The following LRGUK variants were observed in gnomAD, a reference collection of about 807,000 sequenced individuals.
LRGUK encodes leucine-rich repeat and guanylate kinase domain-containing protein.
In LRGUK, 65 loss-of-function variants were observed where a neutral mutation model predicts 76.0. The ratio of observed to expected loss-of-function variants is 0.85; its 90% CI spans 0.70 to 1.05. The LOEUF (loss-of-function observed/expected upper bound fraction) is 1.05. Ranked by LOEUF, LRGUK falls within the 50% of genes least tolerant of loss-of-function variation. The pLI is 0.00. For missense variants in LRGUK, 758 were observed against 732.8 expected, an observed-to-expected ratio of 1.03 and a Z score of -0.40; for synonymous variants, 268 against 265.6, an observed-to-expected ratio of 1.01 and a Z score of -0.09.
At chr7:134,257,521 G>T (rs1334174460) in intron 18 of LRGUK, among the ~76,000 whole-genome samples, 1 of 152,182 alleles carries the variant, frequency 6.6e-6, no homozygotes, top group African/African-American at 2.4e-5. Context: ...AAATGGAAAT[G>T]AGTGTGGGGC....
At chr7:134,258,305 T>C in exon 19 of LRGUK, 2 of 1,614,126 alleles carry the variant, frequency 1.2e-6, no homozygotes, top group Non-Finnish European at 1.7e-6. Context: ...TTCGGTTCTG[T>C]CCGTGGTCAA....
At chr7:134,248,409 AGG>A (rs990452702) in intron 17 of LRGUK, among the ~76,000 whole-genome samples, 35 of 152,360 alleles carry the variant, frequency 2.3e-4, no homozygotes, top group Middle Eastern at 6.8e-3. Flanking sequence ...GAAGAACAGC[AGG>A]GTTTATTCAC....
chr7:134,186,757 A>G (rs1799995439), intron 11 of LRGUK, among the ~76,000 whole-genome samples: 1 of 152,210 alleles, frequency 6.6e-6, no homozygotes, highest in Non-Finnish European at 1.5e-5. Context: ...TTGTAATCTA[A>G]TGGGAGACTC....
intron 16 of LRGUK, among the ~76,000 whole-genome samples, chr7:134,228,764 G>A (rs1041417142): frequency 2.0e-5 from 3 of 152,098 alleles, no homozygotes; most frequent in Non-Finnish European, 2.9e-5. Flanking sequence ...TCTAGGAAGA[G>A]GGTAAATGTA....
At chr7:134,160,403 A>G (rs887621366) in intron 6 of LRGUK, among the ~76,000 whole-genome samples, 1 of 152,124 alleles carries the variant, frequency 6.6e-6, no homozygotes, top group African/African-American at 2.4e-5. Flanking sequence ...ACTGTCATTC[A>G]TTTTTCTTAA....
chr7:134,202,970 C>T (rs1481050257), intron 15 of LRGUK, among the ~76,000 whole-genome samples: 5 of 151,820 alleles, frequency 3.3e-5, no homozygotes, highest in East Asian at 1.9e-4. Context: ...TTTGGGAGGC[C>T]GAGGTGGGCA....
intron 19 of LRGUK, among the ~76,000 whole-genome samples, chr7:134,260,847 G>A (rs1046901877): frequency 1.3e-5 from 2 of 152,144 alleles, no homozygotes; most frequent in South Asian, 2.1e-4. Context: ...GACCAATCAG[G>A]CAGCTGCCAA....
chr7:134,184,499 G>C (rs1369540189), intron 11 of LRGUK, among the ~76,000 whole-genome samples: 1 of 151,984 alleles, frequency 6.6e-6, no homozygotes, highest in Admixed American at 6.6e-5. Flanking sequence ...TCGATCTCCT[G>C]ACCTCATGAT....
intron 16 of LRGUK, among the ~76,000 whole-genome samples, chr7:134,229,754 C>T (rs1801849181): frequency 1.3e-5 from 2 of 152,072 alleles, no homozygotes; most frequent in South Asian, 4.2e-4. Context: ...TAGATCCATG[C>T]ACACATGGAA....
chr7:134,210,565 C>T (rs769870626), downstream of LRGUK, among the ~76,000 whole-genome samples: 11 of 152,278 alleles, frequency 7.2e-5, no homozygotes, highest in East Asian at 1.9e-4. Context: ...AGCCCTCACC[C>T]GGGAGACCTC....
At chr7:134,170,533 G>T (rs1480678195) in intron 7 of LRGUK, among the ~76,000 whole-genome samples, 1 of 152,018 alleles carries the variant, frequency 6.6e-6, no homozygotes, top group Admixed American at 6.5e-5. Flanking sequence ...TAAAAGAGTA[G>T]AATTGTCACA....
chr7:134,256,692 C>G lies in LRGUK; in HGVS notation c.2199-1565C>G, dbSNP rs536340564. 5.3e-5 allele frequency among the ~76,000 whole-genome samples: 8 copies of G among 152,280 alleles called. No individual in the cohort carries two copies. The East Asian group carries it at 1.5e-3, about 29-fold the overall frequency. ...TTTCAACCTCCACCCCACCTTCCCC[C>G]TTTTCTAGCTAATTCATCCCTCATG... On this transcript the variant is annotated intron_variant, in intron 18 of 19. Transcript: ENST00000285928.
chr7:134,148,118 CTT>C (rs1449702624), intron 4 of LRGUK, 118 bp from the exon 5 acceptor site: 1 of 564,018 alleles, frequency 1.8e-6, no homozygotes, highest in African/African-American at 2.0e-5. Context: ...TTAGTGTGTA[CTT>C]TCAGTAATGA....
chr7:134,131,084 A>C (rs997815273), intron 1 of LRGUK, among the ~76,000 whole-genome samples: 2 of 152,232 alleles, frequency 1.3e-5, no homozygotes, highest in African/African-American at 4.8e-5. Context: ...AATGATTGCT[A>C]TGCAGAAAGC....
chr7:134,163,026 A>G (rs73439427), intron 6 of LRGUK, among the ~76,000 whole-genome samples: 20,031 of 152,124 alleles, frequency 0.13, 1,666 homozygotes, highest in East Asian at 0.32. Context: ...GATGATGATG[A>G]AAGAGTTACA....
chr7:134,267,225 C>A (rs1187905977), downstream of LRGUK, among the ~76,000 whole-genome samples: 1 of 152,162 alleles, frequency 6.6e-6, no homozygotes, highest in Non-Finnish European at 1.5e-5. Flanking sequence ...AAAATATGGA[C>A]TACTACGCAG....
At chr7:134,252,535 T>G (rs186549252) in intron 18 of LRGUK, among the ~76,000 whole-genome samples, 23 of 152,258 alleles carry the variant, frequency 1.5e-4, no homozygotes, top group Non-Finnish European at 2.9e-4. Context: ...CTGACACTTC[T>G]AAGCAGAATC....
chr7:134,204,199 C>T (rs1294511251), intron 15 of LRGUK, among the ~76,000 whole-genome samples: 1 of 152,110 alleles, frequency 6.6e-6, no homozygotes, highest in African/African-American at 2.4e-5. Context: ...AGTGAGAGTC[C>T]GTCTCTGTAT....
At chr7:134,167,748 C>G (rs1055966853) in intron 7 of LRGUK, among the ~76,000 whole-genome samples, 2 of 152,178 alleles carry the variant, frequency 1.3e-5, no homozygotes, top group African/African-American at 4.8e-5. Flanking sequence ...GCTGGTGTCT[C>G]TGCTGGAAGC....
Sources: gnomAD v4.1 joint callset for allele counts (sites outside exome capture counted in the v4.1 genomes callset) on GRCh38, gnomAD v4.1.1 for gene constraint, MANE v1.5 for transcripts, NCBI Gene and HGNC (gene_info 2026-07-23, HGNC 2026-07-21) for gene names.